LMAN1: variants seen among roughly 807,000 people sequenced by gnomAD.
LMAN1 encodes protein ERGIC-53.
Under a neutral mutation model 67.8 loss-of-function variants are expected in LMAN1, and 32 were observed. The observed-to-expected ratio is 0.47, with a 90% CI of 0.36 to 0.63. The LOEUF (loss-of-function observed/expected upper bound fraction) is 0.63. LMAN1 is among the 30% of genes least tolerant of loss of function. LMAN1 has a pLI of 0.00. For missense variants in LMAN1, 632 were observed against 628.2 expected (o/e 1.01, Z -0.06); for synonymous variants, 235 against 219.3 (o/e 1.07, Z -0.63).
At chr18:59,335,258 A>AC (rs1374280348) in intron 10 of LMAN1, among the ~76,000 whole-genome samples, 8 of 151,868 alleles carry the variant, frequency 5.3e-5, no homozygotes, top group African/African-American at 1.9e-4. Context: ...ACATGGAGAA[A>AC]CCCCATCTCT....
At chr18:59,347,635 T>G (rs1908449288) in intron 6 of LMAN1, 64 bp from the exon 7 acceptor site, 1 of 1,084,340 alleles carries the variant, frequency 9.2e-7, no homozygotes, top group African/African-American at 1.6e-5. Context: ...TCATTGTAAA[T>G]GTATTTTATC....
chr18:59,332,962 G>T, intron 11 of LMAN1, 129 bp downstream of exon 11: 1 of 750,408 alleles, frequency 1.3e-6, no homozygotes, highest in Non-Finnish European at 2.2e-6. Context: ...GCAATAAATG[G>T]GACAATTCTA....
intron 1 of LMAN1, among the ~76,000 whole-genome samples, chr18:59,356,620 C>A (rs1437770246): frequency 1.3e-5 from 2 of 152,174 alleles, no homozygotes; most frequent in Admixed American, 1.3e-4. Flanking sequence ...AGCTGAGATA[C>A]TTTAGTAGGA....
chr18:59,350,490 T>TTTTA lies in LMAN1; in HGVS notation c.640-1258_640-1255dup, dbSNP rs953463734. Among the ~76,000 whole-genome samples the TTTTA allele has an allele frequency of 7.2e-5, 11 of 152,190 alleles. 1 individual carries two copies. Among genetic ancestry groups the TTTTA allele is most frequent in the South Asian group, 6.2e-4 (3 of 4,820 alleles). On this transcript the variant is annotated intron_variant, in intron 5 of 12. Transcript: ENST00000251047. ...GTCTTCATTGTCTAGTTCCAATTAT[T>TTTTA]TTTATTTATTTATTTATTTTTTGAG...
In LMAN1 at chr18:59,328,749, TC is replaced by T. The variant is rs1274520462; in HGVS notation, c.*2343del. On this transcript the variant is annotated 3_prime_UTR_variant, in exon 13 of 13. Transcript: ENST00000251047. ...GATCATACTTTGAGAAACACTGATATCCCCTTAATACATAACAAAACATTGT... is the reference window on the plus strand; with the variant it reads ...GATCATACTTTGAGAAACACTGATATCCCTTAATACATAACAAAACATTGT... The T allele has an allele frequency of 6.6e-6, 1 of 152,184 alleles. No homozygotes were observed. Among genetic ancestry groups the T allele is most frequent in the Non-Finnish European group, 1.5e-5 (1 of 68,022 alleles). 9.4% of individuals were successfully genotyped at this position (152,184 alleles called of 1,614,324 possible).
At position 59,338,915 on chromosome 18, in the gene LMAN1, T is replaced by G. The variant is rs1191500541; in HGVS notation, c.994A>C (p.Arg332=). The change falls in exon 9 of 13, where the codon AGA becomes CGA. Residue 332 remains arginine (R), a synonymous_variant. Transcript: ENST00000251047. ...CGATTCTGTCCTTCAAAGACTTGTCTTAGCTCTCGATCTCCTACACTCTCA... is the reference window on the plus strand; with the variant it reads ...CGATTCTGTCCTTCAAAGACTTGTCGTAGCTCTCGATCTCCTACACTCTCA... ...IFESVGDREL[R]QVFEGQNRIH... 2 of 1,613,420 alleles carry G rather than the reference T, an allele frequency of 1.2e-6. No individual in the cohort carries two copies. Among genetic ancestry groups the G allele is most frequent in the Non-Finnish European group, 1.7e-6 (2 of 1,179,958 alleles).
In LMAN1 at chr18:59,328,352, C is replaced by T. The variant is rs1166833060; in HGVS notation, c.*2741G>A. 6.6e-6 allele frequency: 1 copy of T among 152,040 alleles called. No individual in the cohort carries two copies. The highest frequency in any genetic ancestry group is 2.4e-5 in the African/African-American group (1 of 41,386). The allele number at this position is 152,040 out of a possible 1,614,324, so 9.4% of individuals were successfully genotyped here. Reference sequence around the variant, plus strand: ...TTCATGGCTTGACCATGAATGATCTCAAGATGATTTCATAAGATTAAAAGC... The same window carrying T: ...TTCATGGCTTGACCATGAATGATCTTAAGATGATTTCATAAGATTAAAAGC... On this transcript the variant is annotated 3_prime_UTR_variant, in exon 13 of 13. Transcript: ENST00000251047.
At position 59,359,190 on chromosome 18, in the gene LMAN1, C is replaced by CGCA; in HGVS notation, c.52_54dup (p.Cys18dup). ...AAGCGACCGAGTGACAGCAGCAAGG[C>CGCA]GCAGAACAGCGGCCGAACTCTGGCC... On this transcript the variant is annotated inframe_insertion, in exon 1 of 13. Coordinates refer to ENST00000251047, the MANE Select transcript of LMAN1 (RefSeq NM_005570.4). The CGCA allele has an allele frequency of 6.2e-7, 1 of 1,614,044 alleles. No homozygotes were observed. The highest frequency in any genetic ancestry group is 8.5e-7 in the Non-Finnish European group (1 of 1,179,944).
chr18:59,333,996 A>G (rs762618626), intron 10 of LMAN1, among the ~76,000 whole-genome samples: 2 of 152,244 alleles, frequency 1.3e-5, no homozygotes, highest in Admixed American at 6.5e-5. Context: ...GTGCTTTTGA[A>G]TCAATGTCAC....
At chr18:59,342,860 T>C (rs893424022) in intron 8 of LMAN1, among the ~76,000 whole-genome samples, 2 of 152,042 alleles carry the variant, frequency 1.3e-5, no homozygotes, top group African/African-American at 4.8e-5. Context: ...GTAAGTAACA[T>C]TATCCCTGTT....
intron 4 of LMAN1, 36 bp from the exon 5 acceptor site, chr18:59,353,337 T>C (rs770191579): frequency 2.8e-5 from 40 of 1,427,486 alleles, no homozygotes; most frequent in Non-Finnish European, 8.9e-6. Flanking sequence ...GACAAGACAC[T>C]CAGCTTTTCA....
rs183478794 is a variant in LMAN1, at chr18:59,358,846, G to C, written c.214+185C>G. Among the ~76,000 whole-genome samples, 11 of 152,294 alleles carry C rather than the reference G, an allele frequency of 7.2e-5. No homozygotes were observed. The East Asian group carries it at 1.9e-3, about 27-fold the overall frequency. The stretch of plus-strand genomic sequence containing the variant: ...TGAGGGAAAGACTCGGGGACAAGCG[G>C]AGGGAACCGTGCGAACCAGGAGGGA... On this transcript the variant is annotated intron_variant, in intron 1 of 12. Transcript: ENST00000251047.
intron 7 of LMAN1, among the ~76,000 whole-genome samples, chr18:59,346,977 T>A (rs1444039778): frequency 6.6e-6 from 1 of 151,282 alleles, no homozygotes; most frequent in African/African-American, 2.4e-5. Context: ...ACACCTGTAA[T>A]CCCAGCACTT....
chr18:59,345,812 C>G (rs976438011), intron 8 of LMAN1, 107 bp downstream of exon 8: 4 of 1,278,366 alleles, frequency 3.1e-6, no homozygotes, highest in Non-Finnish European at 4.5e-6. Context: ...TTGGAATGTG[C>G]CTGTTCAGAG....
chr18:59,358,720 A>G (rs942448468), intron 1 of LMAN1, among the ~76,000 whole-genome samples: 1 of 152,154 alleles, frequency 6.6e-6, no homozygotes, highest in East Asian at 1.9e-4. Context: ...TTTGAGTGCT[A>G]GGAAGTGTAG....
In LMAN1 at chr18:59,329,815, T is replaced by C. The variant is rs2070736654; in HGVS notation, c.*1278A>G. 1 of 152,166 alleles carries C rather than the reference T, an allele frequency of 6.6e-6. No individual in the cohort carries two copies. Among genetic ancestry groups the C allele is most frequent in the African/African-American group, 2.4e-5 (1 of 41,444 alleles). 9.4% of individuals were successfully genotyped at this position (152,166 alleles called of 1,614,324 possible). Reference sequence around the variant, plus strand: ...TAAGATAGTATTGTTTGGAATTCTATGGCAAATGAAAGACAACCATTTTAG... The same window carrying C: ...TAAGATAGTATTGTTTGGAATTCTACGGCAAATGAAAGACAACCATTTTAG... On this transcript the variant is annotated 3_prime_UTR_variant, in exon 13 of 13. Transcript: ENST00000251047.
chr18:59,348,213 T>C (rs918955267), intron 6 of LMAN1, among the ~76,000 whole-genome samples: 3 of 152,240 alleles, frequency 2.0e-5, no homozygotes, highest in African/African-American at 7.2e-5. Context: ...GCTAGTCACA[T>C]CCACCAATCA....
chr18:59,349,176 C>T lies in LMAN1; in HGVS notation c.700G>A (p.Glu234Lys), dbSNP rs1483110611. 1.2e-6 allele frequency: 2 copies of T among 1,613,788 alleles called. No homozygotes were observed. Among genetic ancestry groups the T allele is most frequent in the Non-Finnish European group, 1.7e-6 (2 of 1,179,816 alleles). ...KNDYEFCAKVENMIIPAQGHF... is the reference protein window; with the variant it reads ...KNDYEFCAKVKNMIIPAQGHF... ...CCTTGTGCAGGGATAATCATATTTT[C>T]CACTTTGGCACAAAATTCATAATCA... The change falls in exon 6 of 13, where the codon GAA becomes AAA. Residue 234 changes from glutamate (E) to lysine (K), a missense_variant. Glu to Lys is a moderately conservative substitution (Grantham distance 56). Coordinates refer to ENST00000251047, the MANE Select transcript of LMAN1 (RefSeq NM_005570.4).
At chr18:59,333,362 ACAGGT>A in intron 10 of LMAN1, 118 bp from the exon 11 acceptor site, 6 of 748,186 alleles carry the variant, frequency 8.0e-6, no homozygotes, top group Non-Finnish European at 1.3e-5. Flanking sequence ...AAAAAAAAAA[ACAGGT>A]AAAGTATCTT....
Sources: allele counts gnomAD v4.1 joint callset (sites outside exome capture counted in the v4.1 genomes callset), GRCh38; gene constraint gnomAD v4.1.1; transcripts MANE v1.5; gene names NCBI Gene and HGNC (gene_info 2026-07-23, HGNC 2026-07-21).